The following PXDN variants were observed in gnomAD, a reference collection of about 807,000 sequenced individuals.
The protein encoded by PXDN is peroxidasin, also known as peroxidasin homolog.
Under a neutral mutation model 140.3 loss-of-function variants are expected in PXDN, and 77 were observed. The ratio of observed to expected loss-of-function variants is 0.55; its 90% confidence interval spans 0.46 to 0.66. The LOEUF is 0.66. PXDN is among the 30% of genes least tolerant of loss of function. The pLI is 0.00. For missense variants in PXDN, 1,838 were observed against 2,039.5 expected, an observed-to-expected ratio of 0.90 and a Z score of 1.90; for synonymous variants, 911 against 857.4, an observed-to-expected ratio of 1.06 and a Z score of -1.09.
At chr2:1,688,350 C>T (rs1318599714) in intron 3 of PXDN, among the ~76,000 whole-genome samples, 3 of 152,214 alleles carry the variant, frequency 2.0e-5, no homozygotes, top group Admixed American at 6.5e-5. Context: ...TCGCTCACTC[C>T]GCACCATCTG....
At chr2:1,734,469 CAAT>C (rs1229339762) in intron 1 of PXDN, among the ~76,000 whole-genome samples, 9 of 152,268 alleles carry the variant, frequency 5.9e-5, no homozygotes, top group African/African-American at 1.9e-4. Context: ...AATAAGACAA[CAAT>C]GATGTTTGCC....
chr2:1,734,327 T>G (rs998768493), intron 1 of PXDN, among the ~76,000 whole-genome samples: 2 of 152,218 alleles, frequency 1.3e-5, no homozygotes, highest in African/African-American at 4.8e-5. Context: ...CTAAAAAAAT[T>G]TTATAAAACA....
At chr2:1,737,379 C>T (rs917441029) in intron 1 of PXDN, among the ~76,000 whole-genome samples, 5 of 152,138 alleles carry the variant, frequency 3.3e-5, no homozygotes, top group South Asian at 2.1e-4. Flanking sequence ...ATCTAACCCA[C>T]GAAACAGCGG....
intron 1 of PXDN, among the ~76,000 whole-genome samples, chr2:1,730,891 G>T (rs1685297524): frequency 6.6e-6 from 1 of 152,124 alleles, no homozygotes; most frequent in Admixed American, 6.6e-5. Context: ...GGGCCATGAT[G>T]CATAAACAAA....
chr2:1,635,280 T>A, intron 22 of PXDN, 128 bp downstream of exon 22: 2 of 776,006 alleles, frequency 2.6e-6, no homozygotes, highest in Non-Finnish European at 4.5e-6. Flanking sequence ...GAAGGAGGGA[T>A]GGAGGCCAGC....
chr2:1,673,917 G>A (rs1475060647), intron 8 of PXDN, 105 bp from the exon 9 acceptor site: 9 of 1,237,084 alleles, frequency 7.3e-6, no homozygotes, highest in Non-Finnish European at 1.0e-5. Flanking sequence ...CACAACTTGT[G>A]CGAGGAACAG....
Position 1,648,045 on chromosome 2 carries a change from A to T in PXDN, c.3608+127T>A. 4.6e-6 allele frequency: 6 copies of T among 1,292,966 alleles called. No homozygotes were observed. The highest frequency in any genetic ancestry group is 6.5e-6 in the Non-Finnish European group (6 of 929,606). 80.1% of individuals were successfully genotyped at this position (1,292,966 alleles called of 1,614,324 possible). On this transcript the variant is annotated intron_variant, in intron 17 of 22. Transcript: ENST00000252804. This position sits in a 1 kb window ranked among gnomAD's most constrained non-coding sequence, Gnocchi z 8.9. ...TCCCATCTTGACCTTCATGGACTTG[A>T]CCTTCATCTCACCTCTGCACGACAC...
rs541847205 is a variant in PXDN at position 1,660,469 on chromosome 2, C to T, written c.1837+412G>A. 3.3e-5 allele frequency among the ~76,000 whole-genome samples: 5 copies of T among 152,242 alleles called. No individual in the cohort carries two copies. The South Asian group carries it at 6.2e-4, about 19-fold the overall frequency. On this transcript the variant is annotated intron_variant, in intron 14 of 22. Transcript: ENST00000252804. The surrounding 1 kb of genome is among the most constrained non-coding windows in gnomAD (Gnocchi z 4.6). ...TTCCAGAGCATTCCTGGCCAAAGCCCGAGGAGAGAGAAACCGCAGCTAAGG... is the reference window on the plus strand; with the variant it reads ...TTCCAGAGCATTCCTGGCCAAAGCCTGAGGAGAGAGAAACCGCAGCTAAGG...
intron 1 of PXDN, among the ~76,000 whole-genome samples, chr2:1,724,680 T>C (rs1323654810): frequency 6.6e-6 from 1 of 152,232 alleles, no homozygotes; most frequent in African/African-American, 2.4e-5. Context: ...TATGCCTGAG[T>C]TCATTTCTGG....
rs1480326992 is a variant in PXDN, at chr2:1,714,045, A to G, written c.201-20911T>C. Among the ~76,000 whole-genome samples, 6 of 152,166 alleles carry G rather than the reference A, an allele frequency of 3.9e-5. No homozygotes were observed. The highest frequency in any genetic ancestry group is 8.8e-5 in the Non-Finnish European group (6 of 68,022). ...TGGCCCAGCCTGGGCAACCTACGATAATATTGGCACTGGCGGCTTTGGAAA... is the reference window on the plus strand; with the variant it reads ...TGGCCCAGCCTGGGCAACCTACGATGATATTGGCACTGGCGGCTTTGGAAA... On this transcript the variant is annotated intron_variant, in intron 1 of 22. Transcript: ENST00000252804. This position sits in a 1 kb window ranked among gnomAD's most constrained non-coding sequence, Gnocchi z 4.3.
intron 1 of PXDN, among the ~76,000 whole-genome samples, chr2:1,705,182 A>G (rs570376145): frequency 1.3e-5 from 2 of 152,066 alleles, no homozygotes; most frequent in Admixed American, 6.6e-5. Context: ...AGAGCAGAGC[A>G]TGTCTGCACA....
intron 8 of PXDN, among the ~76,000 whole-genome samples, chr2:1,675,323 T>C (rs1329199791): frequency 6.6e-6 from 1 of 152,216 alleles, no homozygotes; most frequent in Non-Finnish European, 1.5e-5. Context: ...AGCTCTGCCA[T>C]ATTTAGCTGT....
intron 12 of PXDN, among the ~76,000 whole-genome samples, chr2:1,662,962 C>T (rs1208877222): frequency 6.6e-6 from 1 of 152,218 alleles, no homozygotes; most frequent in Non-Finnish European, 1.5e-5. Flanking sequence ...CTGGGGGCCA[C>T]TCATGCTAAC....
At chr2:1,667,469 C>T (rs538900558) in intron 9 of PXDN, among the ~76,000 whole-genome samples, 1 of 151,998 alleles carries the variant, frequency 6.6e-6, no homozygotes, top group East Asian at 1.9e-4. Flanking sequence ...ACATATACAC[C>T]CTCCTAAGAG....
At chr2:1,681,582 C>T (rs912243867) in intron 6 of PXDN, among the ~76,000 whole-genome samples, 2 of 152,082 alleles carry the variant, frequency 1.3e-5, no homozygotes, top group African/African-American at 2.4e-5. Flanking sequence ...GGGGAGGCTA[C>T]ACCTCCCATC....
intron 9 of PXDN, among the ~76,000 whole-genome samples, chr2:1,669,353 C>T (rs1038462756): frequency 1.3e-5 from 2 of 152,166 alleles, no homozygotes; most frequent in Admixed American, 6.5e-5. Context: ...CAATGCCTGT[C>T]GGGCTTAAAA....
At chr2:1,664,043 C>T (rs1683373012) in intron 11 of PXDN, 1 of 410,014 alleles carries the variant, frequency 2.4e-6, no homozygotes, top group Admixed American at 3.8e-5. Flanking sequence ...CTCGGGGAGT[C>T]AGAGCGGGGT....
At chr2:1,658,026 G>GACTCGC (rs1683191776) in intron 14 of PXDN, among the ~76,000 whole-genome samples, 1 of 83,606 alleles carries the variant, frequency 1.2e-5, no homozygotes, top group Non-Finnish European at 2.2e-5. Context: ...TTCAGCTGTG[G>GACTCGC]GCTCTCTCTC....
intron 14 of PXDN, among the ~76,000 whole-genome samples, chr2:1,657,440 C>T (rs1286885952): frequency 6.6e-6 from 1 of 151,822 alleles, no homozygotes; most frequent in Non-Finnish European, 1.5e-5. Flanking sequence ...CCTGCCGCCT[C>T]CTGTCAGGGA....
Sources: gnomAD v4.1 joint callset for allele counts (sites outside exome capture counted in the v4.1 genomes callset) on GRCh38, gnomAD v4.1.1 for gene constraint, Gnocchi (gnomAD v3.1) non-coding constraint, MANE v1.5 for transcripts, NCBI Gene and HGNC (gene_info 2026-07-23, HGNC 2026-07-21) for gene names.